The following DEPDC1B variants were observed in gnomAD, a reference collection of about 807,000 sequenced individuals.
The protein encoded by DEPDC1B is DEP domain containing 1B.
A neutral mutation model predicts 66.5 loss-of-function variants in DEPDC1B; 51 were observed. The observed-to-expected ratio is 0.77, with a 90% CI of 0.61 to 0.97. The LOEUF (loss-of-function observed/expected upper bound fraction) is 0.97. DEPDC1B is among the 50% of genes least tolerant of loss of function. The probability of loss-of-function intolerance (pLI) is 0.00; values close to 1 mark genes in which losing one functional copy is unlikely to be tolerated. For missense variants in DEPDC1B, 552 were observed against 637.1 expected (o/e 0.87, Z 1.44); for synonymous variants, 226 against 223.6 (o/e 1.01, Z -0.10).
intron 2 of DEPDC1B, among the ~76,000 whole-genome samples, chr5:60,659,992 T>G (rs1753670867): frequency 6.6e-6 from 1 of 152,110 alleles, no homozygotes; most frequent in Non-Finnish European, 1.5e-5. Flanking sequence ...CCCAGTACTT[T>G]AACAACTGGA....
intron 7 of DEPDC1B, among the ~76,000 whole-genome samples, chr5:60,616,623 A>C (rs1460789668): frequency 6.6e-6 from 1 of 152,224 alleles, no homozygotes; most frequent in African/African-American, 2.4e-5. Flanking sequence ...GCCTCCAAGA[A>C]ATATGGGACT....
chr5:60,690,127 G>GT (rs1754508961), intron 1 of DEPDC1B, among the ~76,000 whole-genome samples: 1 of 152,046 alleles, frequency 6.6e-6, no homozygotes, highest in South Asian at 2.1e-4. Flanking sequence ...AACCTGAAGT[G>GT]TTTTTTCAGA....
intron 7 of DEPDC1B, among the ~76,000 whole-genome samples, chr5:60,619,241 T>C (rs10054546): frequency 0.017 from 2,625 of 152,192 alleles, 81 homozygotes; most frequent in African/African-American, 0.061. Flanking sequence ...GACAGGGATG[T>C]CCTCTCTCAC....
rs1337455658 is a variant in DEPDC1B, at chr5:60,629,612, A to T, written c.898+9138T>A. Among the ~76,000 whole-genome samples the T allele has an allele frequency of 2.0e-5, 3 of 152,180 alleles. No homozygotes were observed. In the East Asian group the frequency reaches 5.8e-4, roughly 29 times the overall value. ...ATGTACATTTTCTTGATGATTAGGTATGTTGAGAACCTTTTCTTTTACCTG... is the reference window on the plus strand; with the variant it reads ...ATGTACATTTTCTTGATGATTAGGTTTGTTGAGAACCTTTTCTTTTACCTG... On this transcript the variant is annotated intron_variant, in intron 7 of 10. Coordinates refer to ENST00000265036, the MANE Select transcript of DEPDC1B (RefSeq NM_018369.3).
chr5:60,643,308 T>A (rs1753233431), intron 5 of DEPDC1B, among the ~76,000 whole-genome samples: 1 of 152,250 alleles, frequency 6.6e-6, no homozygotes, highest in African/African-American at 2.4e-5. Flanking sequence ...TCATTTTACA[T>A]GTTTCCATTT....
intron 6 of DEPDC1B, among the ~76,000 whole-genome samples, chr5:60,639,092 A>AAATATGCTTTATGTCT (rs1171468277): frequency 6.6e-6 from 1 of 152,236 alleles, no homozygotes; most frequent in Admixed American, 6.5e-5. Context: ...TTGCCTACAC[A>AAATATGCTTTATGTCT]AATATGCTTT....
chr5:60,604,132 G>A (rs1271467092), intron 8 of DEPDC1B, among the ~76,000 whole-genome samples: 2 of 148,720 alleles, frequency 1.3e-5, no homozygotes, highest in Non-Finnish European at 3.0e-5. Flanking sequence ...TACATTAAGT[G>A]ATGAGACTCT....
intron 7 of DEPDC1B, among the ~76,000 whole-genome samples, chr5:60,616,294 A>G (rs951615836): frequency 6.6e-6 from 1 of 152,226 alleles, no homozygotes; most frequent in Non-Finnish European, 1.5e-5. Context: ...TGGATGGAGA[A>G]TGACTTTGAC....
At chr5:60,640,617 T>C (rs1753166736) in intron 6 of DEPDC1B, among the ~76,000 whole-genome samples, 1 of 152,196 alleles carries the variant, frequency 6.6e-6, no homozygotes, top group Non-Finnish European at 1.5e-5. Flanking sequence ...TAACTTGGTT[T>C]TGCATTTATG....
intron 2 of DEPDC1B, among the ~76,000 whole-genome samples, chr5:60,660,788 A>C (rs1753696707): frequency 6.6e-6 from 1 of 152,236 alleles, no homozygotes; most frequent in Admixed American, 6.5e-5. Context: ...TTAACCCAGC[A>C]GACTTCCTAA....
At chr5:60,693,801 C>G (rs1754596098) in intron 1 of DEPDC1B, among the ~76,000 whole-genome samples, 1 of 151,906 alleles carries the variant, frequency 6.6e-6, no homozygotes, top group Non-Finnish European at 1.5e-5. Context: ...TGCCCTGATA[C>G]CTAGCTTTCA....
chr5:60,656,128 G>C (rs968401653), intron 2 of DEPDC1B, among the ~76,000 whole-genome samples: 1 of 150,118 alleles, frequency 6.7e-6, no homozygotes, highest in African/African-American at 2.5e-5. Context: ...TATCTCTTAA[G>C]TCCATTTGTC....
Position 60,634,675 on chromosome 5 carries a change from A to AAAAAAAATAAAT in DEPDC1B, c.898+4074_898+4075insATTTATTTTTTT, listed in dbSNP as rs376885269. On this transcript the variant is annotated intron_variant, in intron 7 of 10. Coordinates refer to ENST00000265036, the MANE Select transcript of DEPDC1B (RefSeq NM_018369.3). ...CAACACAGTGAGACTCTGTCTCAAAAAAATAAATAAATAAATAAATAAATA... is the reference window on the plus strand; with the variant it reads ...CAACACAGTGAGACTCTGTCTCAAAAAAAAAAATAAATAAATAAATAAATAAATAAATAAATA... 1.7e-3 allele frequency among the ~76,000 whole-genome samples: 243 copies of AAAAAAAATAAAT among 146,558 alleles called. 1 individual carries two copies. The highest frequency in any genetic ancestry group is 3.7e-3 in the Admixed American group (54 of 14,742).
chr5:60,646,607 T>C (rs1015739375), intron 3 of DEPDC1B, among the ~76,000 whole-genome samples: 12 of 152,206 alleles, frequency 7.9e-5, no homozygotes, highest in African/African-American at 2.7e-4. Context: ...GTACTGAACA[T>C]GTAGCATTTT....
At chr5:60,603,329 TAGCA>T (rs1752239223) in intron 9 of DEPDC1B, 58 bp downstream of exon 9, 1 of 1,420,502 alleles carries the variant, frequency 7.0e-7, no homozygotes, top group Admixed American at 2.7e-5. Flanking sequence ...CCAAGAAGCC[TAGCA>T]AGCTTACGTG....
intron 2 of DEPDC1B, among the ~76,000 whole-genome samples, chr5:60,657,235 T>C (rs192921116): frequency 6.6e-6 from 1 of 152,366 alleles, no homozygotes; most frequent in African/African-American, 2.4e-5. Context: ...TGGTGAATTC[T>C]TATCCATTCT....
intron 8 of DEPDC1B, among the ~76,000 whole-genome samples, chr5:60,604,215 A>ATTTTTTTTTT (rs1323826916): frequency 1.4e-3 from 85 of 60,058 alleles, no homozygotes; most frequent in Non-Finnish European, 2.3e-3. Flanking sequence ...GAAATTAACT[A>ATTTTTTTTTT]TTCTTTTTTT....
At chr5:60,611,623 C>T (rs1416684013) in intron 7 of DEPDC1B, among the ~76,000 whole-genome samples, 8 of 152,212 alleles carry the variant, frequency 5.3e-5, no homozygotes. Flanking sequence ...AGCTGTGTTG[C>T]TGATAGGGAG....
chr5:60,608,005 G>A (rs1338886445), intron 7 of DEPDC1B, among the ~76,000 whole-genome samples: 2 of 152,178 alleles, frequency 1.3e-5, no homozygotes, highest in African/African-American at 4.8e-5. Context: ...AATGACCTGA[G>A]AAACCACTGG....
Sources: gnomAD v4.1 joint callset for allele counts (sites outside exome capture counted in the v4.1 genomes callset) on GRCh38, gnomAD v4.1.1 for gene constraint, MANE v1.5 for transcripts, NCBI Gene and HGNC (gene_info 2026-07-23, HGNC 2026-07-21) for gene names.